CLSTN2: variants seen among roughly 807,000 people sequenced by gnomAD.
CLSTN2 encodes the protein calsyntenin-2.
CLSTN2 carries 48 observed loss-of-function variants against 101.2 expected under a neutral mutation model. The ratio of observed to expected loss-of-function variants is 0.47; its 90% CI spans 0.38 to 0.60. CLSTN2 has a LOEUF of 0.60. CLSTN2 is among the 20% of genes least tolerant of loss of function. CLSTN2 has a pLI of 0.00. For synonymous variants in CLSTN2, 481 were observed against 463.6 expected (o/e 1.04, Z -0.48); for missense variants, 1,160 against 1,238.2 (o/e 0.94, Z 0.95).
intron 1 of CLSTN2, among the ~76,000 whole-genome samples, chr3:140,115,880 T>C (rs559874114): frequency 9.2e-5 from 14 of 152,364 alleles, no homozygotes; most frequent in African/African-American, 3.4e-4. Context: ...GAAGAGCTTC[T>C]GAGGTGATCC....
intron 2 of CLSTN2, among the ~76,000 whole-genome samples, chr3:140,234,563 T>G (rs1373078793): frequency 6.6e-6 from 1 of 152,212 alleles, no homozygotes; most frequent in Non-Finnish European, 1.5e-5. Flanking sequence ...TTTAAAATGC[T>G]TAATATATTT....
chr3:140,258,400 A>G (rs1373311301), intron 2 of CLSTN2, among the ~76,000 whole-genome samples: 2 of 152,174 alleles, frequency 1.3e-5, no homozygotes, highest in East Asian at 1.9e-4. Flanking sequence ...TTGGGAAGGC[A>G]TTATTTCCTT....
chr3:140,562,718 T>G (rs1935943328), intron 13 of CLSTN2, 93 bp from the exon 14 acceptor site: 25 of 1,327,244 alleles, frequency 1.9e-5, no homozygotes, highest in African/African-American at 4.4e-5. Flanking sequence ...ACAAGACCCA[T>G]GAGGTCTTGT....
At position 140,210,323 on chromosome 3, in the gene CLSTN2, T is replaced by C. The variant is rs571334336; in HGVS notation, c.232+34250T>C. ...AATGATCATATTATGTTTGCAAGGATGTAACTTATGAAGCAGAGACACAGT... is the reference window on the plus strand; with the variant it reads ...AATGATCATATTATGTTTGCAAGGACGTAACTTATGAAGCAGAGACACAGT... On this transcript the variant is annotated intron_variant, in intron 2 of 16. Coordinates refer to ENST00000458420, the MANE Select transcript of CLSTN2 (RefSeq NM_022131.3). Among the ~76,000 whole-genome samples the C allele has an allele frequency of 3.0e-4, 46 of 152,308 alleles. 1 individual carries two copies. Among genetic ancestry groups the C allele is most frequent in the African/African-American group, 1.1e-3 (45 of 41,572 alleles).
At position 140,100,068 on chromosome 3, in the gene CLSTN2, C is replaced by T. The variant is rs374105270; in HGVS notation, c.110-75883C>T. 5.3e-5 allele frequency among the ~76,000 whole-genome samples: 8 copies of T among 152,140 alleles called. No individual in the cohort carries two copies. The East Asian group carries it at 7.7e-4, about 15-fold the overall frequency. ...ATAGAGTTTTTTCCCTTCTATTTAT[C>T]GTAGAAACTCTTGCCTACATACATG... On this transcript the variant is annotated intron_variant, in intron 1 of 16. Coordinates refer to ENST00000458420, the MANE Select transcript of CLSTN2 (RefSeq NM_022131.3).
At chr3:139,945,698 G>C (rs901344266) in intron 1 of CLSTN2, among the ~76,000 whole-genome samples, 1 of 152,178 alleles carries the variant, frequency 6.6e-6, no homozygotes, top group East Asian at 1.9e-4. Context: ...TCCAATTTGC[G>C]TGGATAACTG....
At position 140,023,735 on chromosome 3, in the gene CLSTN2, T is replaced by G. The variant is rs543485741; in HGVS notation, c.109+88252T>G. ...CCCAGGGGAGCTCCGAGCAGACTCC[T>G]TGTTTACCAAGAGGCTCTCCCTAGA... On this transcript the variant is annotated intron_variant, in intron 1 of 16. Coordinates refer to ENST00000458420, the MANE Select transcript of CLSTN2 (RefSeq NM_022131.3). 9.5e-4 allele frequency among the ~76,000 whole-genome samples: 145 copies of G among 152,300 alleles called. 2 individuals carry two copies. Among genetic ancestry groups the G allele is most frequent in the African/African-American group, 3.3e-3 (138 of 41,572 alleles).
intron 8 of CLSTN2, among the ~76,000 whole-genome samples, chr3:140,480,215 G>A (rs1339563939): frequency 1.3e-5 from 2 of 151,850 alleles, no homozygotes; most frequent in Non-Finnish European, 2.9e-5. Flanking sequence ...TTCTCCTTGC[G>A]ATAGTTTGCT....
intron 1 of CLSTN2, among the ~76,000 whole-genome samples, chr3:140,048,670 A>T (rs1380611582): frequency 6.6e-6 from 1 of 151,982 alleles, no homozygotes; most frequent in Non-Finnish European, 1.5e-5. Flanking sequence ...GCTGGGTGTG[A>T]CCTGGGGCAG....
chr3:139,961,720 A>G (rs1204943972), intron 1 of CLSTN2, among the ~76,000 whole-genome samples: 1 of 152,154 alleles, frequency 6.6e-6, no homozygotes, highest in Non-Finnish European at 1.5e-5. Context: ...AATATTGTTT[A>G]TTTATTTTAT....
intron 1 of CLSTN2, among the ~76,000 whole-genome samples, chr3:139,991,874 C>T (rs976354808): frequency 2.0e-5 from 3 of 152,302 alleles, no homozygotes; most frequent in East Asian, 3.9e-4. Flanking sequence ...TTCTTCCTTA[C>T]CCTCCCATAC....
intron 2 of CLSTN2, among the ~76,000 whole-genome samples, chr3:140,291,292 T>G (rs1382306708): frequency 1.3e-5 from 2 of 151,942 alleles, no homozygotes; most frequent in Non-Finnish European, 2.9e-5. Flanking sequence ...TATTACTCTC[T>G]CTCCCCTCCA....
intron 2 of CLSTN2, among the ~76,000 whole-genome samples, chr3:140,240,387 A>G (rs75568773): frequency 7.1e-6 from 1 of 141,654 alleles, no homozygotes; most frequent in East Asian, 2.1e-4. Flanking sequence ...CAAAAAAAAA[A>G]GTCATGGGAC....
intron 2 of CLSTN2, among the ~76,000 whole-genome samples, chr3:140,190,172 G>A (rs892033270): frequency 2.6e-5 from 4 of 152,038 alleles, no homozygotes; most frequent in Non-Finnish European, 5.9e-5. Flanking sequence ...GGGGGATTAC[G>A]TTTCAACATA....
chr3:140,359,528 A>G (rs1274946380), intron 2 of CLSTN2, among the ~76,000 whole-genome samples: 1 of 152,200 alleles, frequency 6.6e-6, no homozygotes, highest in Non-Finnish European at 1.5e-5. Flanking sequence ...ACAATAAACC[A>G]TCTATGGTTG....
intron 9 of CLSTN2, among the ~76,000 whole-genome samples, chr3:140,540,472 C>G (rs796518148): frequency 2.0e-5 from 3 of 152,314 alleles, no homozygotes; most frequent in African/African-American, 7.2e-5. Context: ...TTGCATTCCA[C>G]AGGTATCTAC....
At chr3:140,306,640 T>C (rs947185614) in intron 2 of CLSTN2, among the ~76,000 whole-genome samples, 1 of 152,158 alleles carries the variant, frequency 6.6e-6, no homozygotes, top group African/African-American at 2.4e-5. Context: ...CTTCATGGAC[T>C]TAAAGAGCTA....
intron 1 of CLSTN2, among the ~76,000 whole-genome samples, chr3:139,955,071 T>C (rs1399421026): frequency 1.4e-5 from 2 of 143,186 alleles, no homozygotes; most frequent in Non-Finnish European, 3.0e-5. Flanking sequence ...TTGCTATATA[T>C]ACACACATAT....
intron 2 of CLSTN2, among the ~76,000 whole-genome samples, chr3:140,328,947 A>G (rs1213411764): frequency 6.6e-6 from 1 of 152,204 alleles, no homozygotes; most frequent in Non-Finnish European, 1.5e-5. Context: ...AATAAAAACA[A>G]AAGCACTGAA....
Sources: gnomAD v4.1 joint callset for allele counts (sites outside exome capture counted in the v4.1 genomes callset) on GRCh38, gnomAD v4.1.1 for gene constraint, MANE v1.5 for transcripts, NCBI Gene and HGNC (gene_info 2026-07-23, HGNC 2026-07-21) for gene names.